DARS1: variants seen among roughly 807,000 people sequenced by gnomAD.
DARS1 encodes aspartate--tRNA ligase, cytoplasmic.
Under a neutral mutation model 68.8 loss-of-function variants are expected in DARS1, and 51 were observed. The ratio of observed to expected loss-of-function variants is 0.74; its 90% CI spans 0.59 to 0.94. The LOEUF (loss-of-function observed/expected upper bound fraction) is 0.94, where lower values mean the gene tolerates loss of function less well. DARS1 is among the 40% of genes least tolerant of loss of function. DARS1 has a pLI of 0.00. For synonymous variants in DARS1, 203 were observed against 190.4 expected, an observed-to-expected ratio of 1.07 and a Z score of -0.55; for missense variants, 607 against 597.3, an observed-to-expected ratio of 1.02 and a Z score of -0.17.
chr2:135,930,800 T>C (rs1575389812), intron 7 of DARS1, among the ~76,000 whole-genome samples: 2 of 152,066 alleles, frequency 1.3e-5, no homozygotes, highest in Non-Finnish European at 2.9e-5. Context: ...TGAGGTGAAA[T>C]AAAGGGGACA....
chr2:135,946,831 T>C (rs956707023), intron 4 of DARS1, among the ~76,000 whole-genome samples: 5 of 152,118 alleles, frequency 3.3e-5, no homozygotes, highest in African/African-American at 1.2e-4. Flanking sequence ...CCTGAGCATA[T>C]AGAGAAGAAT....
rs1040962953 is a variant in DARS1 at position 135,906,140 on chromosome 2, C to A, written c.*1176G>T. Among the ~76,000 whole-genome samples the A allele has an allele frequency of 2.8e-4, 42 of 152,106 alleles. No individual in the cohort carries two copies. The highest frequency in any genetic ancestry group is 9.4e-4 in the African/African-American group (39 of 41,414). On this transcript the variant is annotated 3_prime_UTR_variant, in exon 16 of 16. Coordinates refer to ENST00000264161, the MANE Select transcript of DARS1 (RefSeq NM_001349.4). ...GACTGTACAATATAGATGGTAAACACCCCCTTTAACTTTCAAACATAATGG... is the reference window on the plus strand; with the variant it reads ...GACTGTACAATATAGATGGTAAACAACCCCTTTAACTTTCAAACATAATGG...
chr2:135,941,271 C>T (rs548232827), intron 5 of DARS1, among the ~76,000 whole-genome samples: 28 of 152,164 alleles, frequency 1.8e-4, no homozygotes, highest in Non-Finnish European at 4.0e-4. Flanking sequence ...TACTACAAGG[C>T]TACAGTAACC....
chr2:135,911,063 T>A (rs1680885401), intron 15 of DARS1, 76 bp downstream of exon 15: 1 of 699,194 alleles, frequency 1.4e-6, no homozygotes, highest in African/African-American at 1.8e-5. Flanking sequence ...AATTCACTTT[T>A]AAAAATTCTT....
intron 4 of DARS1, among the ~76,000 whole-genome samples, chr2:135,959,418 AAAAAAAAAAAAAAAG>A (rs1319577206): frequency 1.4e-5 from 2 of 146,278 alleles, no homozygotes; most frequent in African/African-American, 5.2e-5. Flanking sequence ...AAAAAAAAAA[AAAAAAAAAAAAAAAG>A]ATCGCCCGTA....
intron 9 of DARS1, among the ~76,000 whole-genome samples, chr2:135,921,662 T>C (rs1247226565): frequency 6.6e-6 from 1 of 152,194 alleles, no homozygotes; most frequent in Non-Finnish European, 1.5e-5. Context: ...ACAATATTGA[T>C]TCCCTTATCA....
chr2:135,981,429 T>C (rs1295247814), intron 2 of DARS1, among the ~76,000 whole-genome samples: 1 of 152,150 alleles, frequency 6.6e-6, no homozygotes, highest in African/African-American at 2.4e-5. Flanking sequence ...AAACCCGGAA[T>C]GCTCCCAAAT....
chr2:135,910,685 C>A (rs1680878189), intron 15 of DARS1, among the ~76,000 whole-genome samples: 1 of 152,112 alleles, frequency 6.6e-6, no homozygotes, highest in African/African-American at 2.4e-5. Flanking sequence ...TGAAACTATA[C>A]ATTCAAAAAA....
At chr2:135,985,351 CA>C (rs1176611741) in intron 1 of DARS1, 51 bp downstream of exon 1, 1 of 1,594,218 alleles carries the variant, frequency 6.3e-7, no homozygotes, top group African/African-American at 1.3e-5. Flanking sequence ...TCCCTCGGCG[CA>C]GCCCGGCCCA....
chr2:135,947,874 A>T (rs2104823050), intron 4 of DARS1, among the ~76,000 whole-genome samples: 1 of 151,802 alleles, frequency 6.6e-6, no homozygotes, highest in Admixed American at 6.6e-5. Context: ...TAGGCCCTTT[A>T]GTAATAGTTT....
chr2:135,964,098 G>A (rs1227916111), intron 3 of DARS1, among the ~76,000 whole-genome samples: 2 of 152,132 alleles, frequency 1.3e-5, no homozygotes, highest in Non-Finnish European at 2.9e-5. Flanking sequence ...CTGGGAACAC[G>A]AACGTAAGTA....
chr2:135,916,201 T>A, intron 11 of DARS1, 25 bp downstream of exon 11: 13 of 1,418,902 alleles, frequency 9.2e-6, no homozygotes, highest in Non-Finnish European at 1.3e-5. Flanking sequence ...GAACTTAAAG[T>A]AAAAAAAAAG....
At chr2:135,960,371 T>C (rs530260718) in intron 4 of DARS1, among the ~76,000 whole-genome samples, 2 of 152,340 alleles carry the variant, frequency 1.3e-5, no homozygotes, top group South Asian at 2.1e-4. Context: ...GCATCCTTTA[T>C]ATGTATAACA....
Position 135,912,518 on chromosome 2 carries a change from G to T in DARS1, c.1198C>A (p.Pro400Thr). 1 of 1,126,766 alleles carries T rather than the reference G, an allele frequency of 8.9e-7. No individual in the cohort carries two copies. The allele number at this position is 1,126,766 out of a possible 1,614,324, so 69.8% of individuals were successfully genotyped here. A position where few individuals can be genotyped will look rare whatever the true frequency, so the allele number is the denominator to read the frequency against. Residue 400 changes from proline (P) to threonine (T), a missense_variant, in exon 13 of 16, where the codon CCT becomes ACT. Coordinates refer to ENST00000264161, the MANE Select transcript of DARS1 (RefSeq NM_001349.4). Reference sequence around the variant, plus strand: ...CTTGGGTCAGGCATGGTATAGAAAGGTCTTACAGCCAATGGATATTTATCA... The same window carrying T: ...CTTGGGTCAGGCATGGTATAGAAAGTTCTTACAGCCAATGGATATTTATCA... Reference protein sequence around the residue: ...ILDKYPLAVRPFYTMPDPRNP... With the variant: ...ILDKYPLAVRTFYTMPDPRNP...
At chr2:135,937,481 T>C (rs899458904) in intron 5 of DARS1, among the ~76,000 whole-genome samples, 1 of 152,200 alleles carries the variant, frequency 6.6e-6, no homozygotes, top group Non-Finnish European at 1.5e-5. Context: ...CTTCTCTATG[T>C]TGTAAAAAAT....
At position 135,985,437 on chromosome 2, in the gene DARS1, T is replaced by C. The variant is rs758208369; in HGVS notation, c.32A>G (p.Gln11Arg). 3.7e-6 allele frequency: 6 copies of C among 1,614,036 alleles called. No homozygotes were observed. Among genetic ancestry groups the C allele is most frequent in the Non-Finnish European group, 5.1e-6 (6 of 1,179,956 alleles). Residue 11 changes from glutamine (Q) to arginine (R), a missense_variant, in exon 1 of 16, where the codon CAG becomes CGG. By Grantham distance (43) the Gln-to-Arg change is conservative. Transcript: ENST00000264161. ...GTCCATGATCTCCCGCGGCTTCTCCTGACTCTTGCGGCTGGCGCTGGCGCT... is the reference window on the plus strand; with the variant it reads ...GTCCATGATCTCCCGCGGCTTCTCCCGACTCTTGCGGCTGGCGCTGGCGCT... MPSASASRKSQEKPREIMDAA... is the reference protein window; with the variant it reads MPSASASRKSREKPREIMDAA...
At chr2:135,984,839 T>C (rs1244569783) in intron 1 of DARS1, among the ~76,000 whole-genome samples, 1 of 152,124 alleles carries the variant, frequency 6.6e-6, no homozygotes, top group Non-Finnish European at 1.5e-5. Flanking sequence ...TTGGGGTCAC[T>C]TCACCTCAAA....
chr2:135,916,354 T>G lies in DARS1; in HGVS notation c.978A>C (p.Gln326His), dbSNP rs761997922. ...CACATGGGAACTGTTTATTCACTGT[T>G]TGAATTTCAGTCTGAAACCTATTTG... ...GLQERFQTEIQTVNKQFPCEP... is the reference protein window; with the variant it reads ...GLQERFQTEIHTVNKQFPCEP... Residue 326 changes from glutamine (Q) to histidine (H), a missense_variant, in exon 11 of 16, where the codon CAA becomes CAC. Coordinates refer to ENST00000264161, the MANE Select transcript of DARS1 (RefSeq NM_001349.4). The G allele has an allele frequency of 4.6e-6, 7 of 1,522,468 alleles. No homozygotes were observed. The highest frequency in any genetic ancestry group is 6.4e-6 in the Non-Finnish European group (7 of 1,096,846). The allele number at this position is 1,522,468 out of a possible 1,614,324, so 94.3% of individuals were successfully genotyped here. A position where few individuals can be genotyped will look rare whatever the true frequency, so the allele number is the denominator to read the frequency against.
intron 7 of DARS1, among the ~76,000 whole-genome samples, chr2:135,930,961 A>C (rs1022899629): frequency 6.6e-6 from 1 of 152,324 alleles, no homozygotes; most frequent in Admixed American, 6.5e-5. Context: ...AAGACATTTT[A>C]ATTCACTTTT....
Sources: allele counts gnomAD v4.1 joint callset (sites outside exome capture counted in the v4.1 genomes callset), GRCh38; gene constraint gnomAD v4.1.1; transcripts MANE v1.5; gene names NCBI Gene and HGNC (gene_info 2026-07-23, HGNC 2026-07-21).